CCNL2: variants seen among roughly 807,000 people sequenced by gnomAD.
CCNL2 encodes cyclin-L2.
Under a neutral mutation model 59.1 loss-of-function variants are expected in CCNL2, and 28 were observed. The ratio of observed to expected loss-of-function variants is 0.47; its 90% CI spans 0.35 to 0.65. The LOEUF is 0.65. Among genes scored for constraint, CCNL2 ranks in the 30% least tolerant of loss-of-function variants. The pLI, the probability that CCNL2 is intolerant of heterozygous loss-of-function variation, is 0.00. For synonymous variants in CCNL2, 342 were observed against 288.6 expected (o/e 1.19, Z -1.88); for missense variants, 714 against 717.4 (o/e 1.00, Z 0.05).
chr1:1,388,563 G>GTC lies in CCNL2; in HGVS notation c.1007-499_1007-498insGA, dbSNP rs747446653. On this transcript the variant is annotated intron_variant, in intron 8 of 10. Transcript: ENST00000400809. The stretch of plus-strand genomic sequence containing the variant: ...AAAAAACCCCAAAACATGTGAGTGT[G>GTC]TGTCTCTCTCTCTCTCTCTCTATAT... The GTC allele has an allele frequency of 2.6e-3, 862 of 336,010 alleles. 2 individuals carry two copies. Among genetic ancestry groups the GTC allele is most frequent in the Non-Finnish European group, 3.6e-3 (612 of 167,688 alleles). The allele number at this position is 336,010 out of a possible 1,614,324, so 20.8% of individuals were successfully genotyped here. A position where few individuals can be genotyped will look rare whatever the true frequency, so the allele number is the denominator to read the frequency against.
chr1:1,393,145 C>G lies in CCNL2; in HGVS notation c.659+251G>C, dbSNP rs748142219. 6.3e-5 allele frequency: 37 copies of G among 585,776 alleles called. No individual in the cohort carries two copies. In the Middle Eastern group the frequency reaches 1.3e-3, roughly 21 times the overall value. The allele number at this position is 585,776 out of a possible 1,614,324, so 36.3% of individuals were successfully genotyped here. ...GTCAACAGCTCCCAGAGGAAGCCCACTGACTGCTCTCTTCAGGGTGGGGGA... is the reference window on the plus strand; with the variant it reads ...GTCAACAGCTCCCAGAGGAAGCCCAGTGACTGCTCTCTTCAGGGTGGGGGA... On this transcript the variant is annotated intron_variant, in intron 5 of 10. Coordinates refer to ENST00000400809, the MANE Select transcript of CCNL2 (RefSeq NM_030937.6).
chr1:1,396,753 TTTTA>T (rs1444013333), intron 3 of CCNL2, among the ~76,000 whole-genome samples: 42 of 150,968 alleles, frequency 2.8e-4, no homozygotes, highest in Middle Eastern at 3.4e-3. Context: ...CTAATTTTTT[TTTTA>T]TTTTTTTTTG....
Position 1,399,153 on chromosome 1 carries a change from A to G in CCNL2, c.154T>C (p.Cys52Arg). 6.2e-7 allele frequency: 1 copy of G among 1,612,236 alleles called. No individual in the cohort carries two copies. The highest frequency in any genetic ancestry group is 8.5e-7 in the Non-Finnish European group (1 of 1,179,514). ...YSGVLITLEN[C>R]LLPDDKLRFT... ...CGGAGCTTGTCGTCAGGCAGGAGGC[A>G]GTTCTCCAAGGTGATGAGCACCCCG... Residue 52 changes from cysteine to arginine, a missense_variant, in exon 1 of 11, where the codon TGC becomes CGC. Cys to Arg is a radical substitution (Grantham distance 180). Coordinates refer to ENST00000400809, the MANE Select transcript of CCNL2 (RefSeq NM_030937.6).
At chr1:1,395,088 T>G (rs1376978526) in intron 4 of CCNL2, 3 of 283,194 alleles carry the variant, frequency 1.1e-5, no homozygotes, top group Admixed American at 4.9e-5. Flanking sequence ...AAAAAAAAAT[T>G]AACTGTAGAG....
At chr1:1,389,701 T>C (rs1487018293) in intron 8 of CCNL2, among the ~76,000 whole-genome samples, 2 of 152,228 alleles carry the variant, frequency 1.3e-5, no homozygotes, top group Middle Eastern at 3.4e-3. Context: ...GGCTCACGCC[T>C]GTAATCCCAG....
chr1:1,387,573 G>C lies in CCNL2; in HGVS notation c.1221C>G (p.Asp407Glu). Residue 407 changes from aspartate to glutamate, a missense_variant, in exon 11 of 11, where the codon GAC becomes GAG. Asp to Glu is a conservative substitution (Grantham distance 45). This residue lies in a region of CCNL2 where 403 missense variants were observed against 377.7 expected (regional missense o/e 1.07). Transcript: ENST00000400809. ...RSASPKRRKS[D>E]SGSTSGGSKS... ...TGGACCCACCAGATGTGGAGCCGCT[G>C]TCACTTTTCCTGGGAGGAAGAACAG... 6.7e-7 allele frequency: 1 copy of C among 1,491,034 alleles called. No individual in the cohort carries two copies. The highest frequency in any genetic ancestry group is 8.9e-7 in the Non-Finnish European group (1 of 1,120,438). 92.4% of individuals were successfully genotyped at this position (1,491,034 alleles called of 1,614,324 possible).
chr1:1,396,258 C>T (rs542511605), intron 3 of CCNL2, among the ~76,000 whole-genome samples: 3 of 151,506 alleles, frequency 2.0e-5, no homozygotes, highest in African/African-American at 7.3e-5. Flanking sequence ...TTTGGGAGGC[C>T]GATGAGGCCA....
In CCNL2 at chr1:1,395,391, C is replaced by T; in HGVS notation, c.594+3G>A. ...GCTCGCAGGGCAGGAGCCGCACACC[C>T]ACCTTATGAGGATGCTTCACATGGA... On this transcript the variant is annotated splice_donor_region_variant and intron_variant, in intron 4 of 10. Coordinates refer to ENST00000400809, the MANE Select transcript of CCNL2 (RefSeq NM_030937.6). 6.2e-7 allele frequency: 1 copy of T among 1,614,110 alleles called. No individual in the cohort carries two copies.
In CCNL2 at chr1:1,387,551, A is replaced by G. The variant is rs1187236940; in HGVS notation, c.1243T>C (p.Ser415Pro). Reference sequence around the variant, plus strand: ...CTCCGGGAGCGGCTCTGCGACTTGGACCCACCAGATGTGGAGCCGCTGTCA... The same window carrying G: ...CTCCGGGAGCGGCTCTGCGACTTGGGCCCACCAGATGTGGAGCCGCTGTCA... ...KSDSGSTSGGSKSQSRSRSRS... is the reference protein window; with the variant it reads ...KSDSGSTSGGPKSQSRSRSRS... Residue 415 changes from serine (S) to proline (P), a missense_variant, in exon 11 of 11, where the codon TCC becomes CCC. By Grantham distance (74) the Ser-to-Pro change is moderately conservative. Around this residue, in one of 5 missense-constraint regions of CCNL2, gnomAD observed 403 missense variants for 377.7 expected, o/e 1.07. Coordinates refer to ENST00000400809, the MANE Select transcript of CCNL2 (RefSeq NM_030937.6). 6.6e-7 allele frequency: 1 copy of G among 1,516,996 alleles called. No homozygotes were observed. The highest frequency in any genetic ancestry group is 8.8e-7 in the Non-Finnish European group (1 of 1,133,690). 94.0% of individuals were successfully genotyped at this position (1,516,996 alleles called of 1,614,324 possible). A position where few individuals can be genotyped will look rare whatever the true frequency, so the allele number is the denominator to read the frequency against.
chr1:1,399,293 G>GCCC lies in CCNL2; in HGVS notation c.13_14insGGG (p.Ala4_Ala5insGly), dbSNP rs1470958733. The stretch of plus-strand genomic sequence containing the variant: ...CGACCCTGCAGCACCAGCCGCCGCC[G>GCCC]CCGCCGCCGCCATTTTGTGCCGCCG... On this transcript the variant is annotated inframe_insertion, in exon 1 of 11. Transcript: ENST00000400809. 1 of 1,450,912 alleles carries GCCC rather than the reference G, an allele frequency of 6.9e-7. No homozygotes were observed. Among genetic ancestry groups the GCCC allele is most frequent in the African/African-American group, 1.5e-5 (1 of 66,630 alleles). 89.9% of individuals were successfully genotyped at this position (1,450,912 alleles called of 1,614,324 possible).
chr1:1,396,127 C>T (rs1162437426), intron 3 of CCNL2, among the ~76,000 whole-genome samples: 2 of 145,226 alleles, frequency 1.4e-5, no homozygotes, highest in African/African-American at 5.1e-5. Context: ...TTCAGTGAGC[C>T]GAGATCGCAT....
At chr1:1,392,236 G>C in intron 5 of CCNL2, 3 of 726,964 alleles carry the variant, frequency 4.1e-6, no homozygotes, top group Non-Finnish European at 5.1e-6. Context: ...TATTCAAGTA[G>C]TGATATTAAT....
Position 1,399,268 on chromosome 1 carries a change from C to T in CCNL2, c.39G>A (p.Ser13=), listed in dbSNP as rs561361237. Residue 13 remains serine (S), a synonymous_variant, in exon 1 of 11, where the codon TCG becomes TCA. Coordinates refer to ENST00000400809, the MANE Select transcript of CCNL2 (RefSeq NM_030937.6). ...AAAAAAGAAG[S]AAPAAAAGAP... ...CGCCGGCCGCTGCCGCGGGAGCTGC[C>T]GACCCTGCAGCACCAGCCGCCGCCG... The T allele has an allele frequency of 9.6e-6, 15 of 1,566,774 alleles. No individual in the cohort carries two copies. The highest frequency in any genetic ancestry group is 2.6e-6 in the Non-Finnish European group (3 of 1,160,442).
intron 3 of CCNL2, among the ~76,000 whole-genome samples, chr1:1,397,899 G>A (rs892272680): frequency 6.6e-6 from 1 of 152,194 alleles, no homozygotes; most frequent in Non-Finnish European, 1.5e-5. Flanking sequence ...AATGTCAATA[G>A]TGCTGAGATT....
rs1429320482 is a variant in CCNL2, at chr1:1,399,200, A to G, written c.107T>C (p.Leu36Pro). ...CCCGGAGTACAGCCTGTCCCCGATC[A>G]GCACCCCCTGCGACCCTGAGGGTGC... ...GGAPSGSQGV[L>P]IGDRLYSGVL... The change falls in exon 1 of 11, where the codon CTG becomes CCG. Residue 36 changes from leucine to proline, a missense_variant. Transcript: ENST00000400809. The G allele has an allele frequency of 1.2e-6, 2 of 1,608,136 alleles. No individual in the cohort carries two copies. Among genetic ancestry groups the G allele is most frequent in the African/African-American group, 1.4e-5 (1 of 73,804 alleles).
At chr1:1,395,830 G>A (rs1186711851) in intron 3 of CCNL2, among the ~76,000 whole-genome samples, 1 of 152,132 alleles carries the variant, frequency 6.6e-6, no homozygotes, top group Non-Finnish European at 1.5e-5. Context: ...ACTCACGATA[G>A]GAAGGTACAT....
chr1:1,393,413 G>C lies in CCNL2; in HGVS notation c.642C>G (p.His214Gln), dbSNP rs748363738. The C allele has an allele frequency of 2.5e-6, 4 of 1,613,930 alleles. No homozygotes were observed. The African/African-American group carries it at 5.3e-5, about 22-fold the overall frequency. The change falls in exon 5 of 11, where the codon CAC (histidine) becomes CAG (glutamine). Residue 214 changes from histidine (H) to glutamine (Q), a missense_variant. Transcript: ENST00000400809. ...CAACTCACCATGAGGTCTGGACCAG[G>C]TGTTGGTTACGCTCACACTCTAACA... ...LQVLECERNQ[H>Q]LVQTSWNYMN...
At position 1,390,754 on chromosome 1, in the gene CCNL2, C is replaced by G. The variant is rs1037005648; in HGVS notation, c.759+12G>C. ...TCAGACTAGAATCTCTCCATAGTAG[C>G]AACACACTGACCTCCAGCGTCCGGG... On this transcript the variant is annotated intron_variant, in intron 6 of 10. Coordinates refer to ENST00000400809, the MANE Select transcript of CCNL2 (RefSeq NM_030937.6). 2 of 1,611,520 alleles carry G rather than the reference C, an allele frequency of 1.2e-6. No individual in the cohort carries two copies. Among genetic ancestry groups the G allele is most frequent in the African/African-American group, 2.7e-5 (2 of 74,956 alleles).
chr1:1,393,611 A>G lies in CCNL2; in HGVS notation c.595-151T>C, dbSNP rs1413455937. 4 of 688,214 alleles carry G rather than the reference A, an allele frequency of 5.8e-6. No homozygotes were observed. In the East Asian group the frequency reaches 1.0e-4, roughly 18 times the overall value. 42.6% of individuals were successfully genotyped at this position (688,214 alleles called of 1,614,324 possible). On this transcript the variant is annotated intron_variant, in intron 4 of 10. Coordinates refer to ENST00000400809, the MANE Select transcript of CCNL2 (RefSeq NM_030937.6). ...TCTGGCGGACGGCTCAGCTGGAGGG[A>G]GCTTTGCGATTGCACCTGCTGTCTG...
Sources: gnomAD v4.1 joint callset for allele counts (sites outside exome capture counted in the v4.1 genomes callset) on GRCh38, gnomAD v4.1.1 for gene constraint, gnomAD v4.1.1 regional missense constraint, MANE v1.5 for transcripts, NCBI Gene and HGNC (gene_info 2026-07-23, HGNC 2026-07-21) for gene names.